ITPR2: variants seen among roughly 807,000 people sequenced by gnomAD.
ITPR2 encodes inositol 1,4,5-trisphosphate receptor type 2, also known as inositol 1,4,5-trisphosphate-gated calcium channel ITPR2.
In ITPR2, 207 loss-of-function variants were observed where a neutral mutation model predicts 317.1. The ratio of observed to expected loss-of-function variants is 0.65; its 90% confidence interval spans 0.58 to 0.73. The LOEUF is 0.73. Among genes scored for constraint, ITPR2 ranks in the 30% least tolerant of loss-of-function variants. ITPR2 has a pLI of 0.00. For synonymous variants in ITPR2, 1,156 were observed against 1,149.1 expected, an observed-to-expected ratio of 1.01 and a Z score of -0.12; for missense variants, 2,613 against 3,284.0, an observed-to-expected ratio of 0.80 and a Z score of 4.99.
chr12:26,488,038 C>A (rs2136854440), intron 39 of ITPR2, among the ~76,000 whole-genome samples: 1 of 152,088 alleles, frequency 6.6e-6, no homozygotes, highest in East Asian at 1.9e-4. Flanking sequence ...TACCCTAATT[C>A]TTGCCTGCTC....
At chr12:26,757,219 C>CT (rs534956309) in intron 2 of ITPR2, among the ~76,000 whole-genome samples, 25,974 of 143,704 alleles carry the variant, frequency 0.18, 2,789 homozygotes, top group Non-Finnish European at 0.25. Flanking sequence ...CCTTTACTTT[C>CT]TTTTTTTTTT....
chr12:26,566,248 TGAGAGGAGAGG>T (rs1252425587), intron 34 of ITPR2, among the ~76,000 whole-genome samples: 15 of 24,034 alleles, frequency 6.2e-4, no homozygotes, highest in Admixed American at 1.9e-3. Flanking sequence ...AGAGGAGAGG[TGAGAGGAGAGG>T]GAGAGGAGAA....
At chr12:26,592,033 G>A (rs1945722514) in intron 32 of ITPR2, among the ~76,000 whole-genome samples, 1 of 151,422 alleles carries the variant, frequency 6.6e-6, no homozygotes, top group African/African-American at 2.4e-5. Context: ...TAAAGAAAAT[G>A]TGGTACATAT....
intron 2 of ITPR2, among the ~76,000 whole-genome samples, chr12:26,730,029 G>A (rs1460835192): frequency 2.6e-5 from 4 of 152,030 alleles, no homozygotes; most frequent in African/African-American, 9.7e-5. Flanking sequence ...ACCAAAAAAA[G>A]AAAGAAAAAG....
At position 26,602,434 on chromosome 12, in the gene ITPR2, C is replaced by T. The variant is rs763618893; in HGVS notation, c.3614G>A (p.Arg1205Gln). 2.9e-5 allele frequency: 46 copies of T among 1,613,542 alleles called. No homozygotes were observed. The highest frequency in any genetic ancestry group is 1.3e-4 in the Admixed American group (8 of 59,986). Residue 1205 changes from arginine (R) to glutamine (Q), a missense_variant, in exon 28 of 57, where the codon CGA (arginine) becomes CAA (glutamine). Physicochemically the swap from Arg to Gln is conservative, Grantham distance 43. This residue lies in a region of ITPR2 where 817 missense variants were observed against 897.6 expected (regional missense o/e 0.91). Coordinates refer to ENST00000381340, the MANE Select transcript of ITPR2 (RefSeq NM_002223.4). ...QNKKCRNQHQRLLKNMGAHSV... is the reference protein window; with the variant it reads ...QNKKCRNQHQQLLKNMGAHSV... ...ATGCGCCCCCATATTTTTCAGTAAT[C>T]GTTGATGTTGATTCCGACACTTTTT...
intron 32 of ITPR2, among the ~76,000 whole-genome samples, chr12:26,582,281 T>C (rs1054901120): frequency 2.6e-5 from 4 of 151,848 alleles, no homozygotes; most frequent in Admixed American, 6.5e-5. Flanking sequence ...AATATTTCTT[T>C]ATTTTCTTTT....
chr12:26,535,235 G>A lies in ITPR2; in HGVS notation c.5073+15012C>T, dbSNP rs969010893. On this transcript the variant is annotated intron_variant, in intron 37 of 56. Coordinates refer to ENST00000381340, the MANE Select transcript of ITPR2 (RefSeq NM_002223.4). The stretch of plus-strand genomic sequence containing the variant: ...AAATATGCTGAATTACTTATCCCTA[G>A]AGGTAACATTAAAATAAATCAGGAA... Among the ~76,000 whole-genome samples, 14 of 152,242 alleles carry A rather than the reference G, an allele frequency of 9.2e-5. No homozygotes were observed. The East Asian group carries it at 2.7e-3, about 29-fold the overall frequency.
chr12:26,754,808 G>C (rs1057248998), intron 2 of ITPR2, among the ~76,000 whole-genome samples: 6 of 152,156 alleles, frequency 3.9e-5, no homozygotes, highest in Non-Finnish European at 7.4e-5. Flanking sequence ...TTTTCTTAGA[G>C]CAAAAACCTG....
chr12:26,362,673 AC>A (rs1217830488), intron 55 of ITPR2, among the ~76,000 whole-genome samples: 1 of 152,130 alleles, frequency 6.6e-6, no homozygotes, highest in African/African-American at 2.4e-5. Context: ...CTGCTCAAAC[AC>A]CACCATTTTC....
At chr12:26,765,603 A>G (rs1422954619) in intron 2 of ITPR2, among the ~76,000 whole-genome samples, 1 of 152,102 alleles carries the variant, frequency 6.6e-6, no homozygotes, top group East Asian at 1.9e-4. Context: ...CATTTTATCT[A>G]TGTTGGCTAC....
chr12:26,458,547 A>G (rs117896010), intron 45 of ITPR2, among the ~76,000 whole-genome samples: 2 of 152,266 alleles, frequency 1.3e-5, no homozygotes, highest in Non-Finnish European at 2.9e-5. Flanking sequence ...GTTCTCCCTT[A>G]CTTTGTGTCA....
intron 26 of ITPR2, among the ~76,000 whole-genome samples, chr12:26,607,972 T>A (rs1204711027): frequency 6.6e-6 from 1 of 151,748 alleles, no homozygotes; most frequent in African/African-American, 2.4e-5. Flanking sequence ...ACAAAAAAAA[T>A]TAGCCAGGAG....
At position 26,440,955 on chromosome 12, in the gene ITPR2, G is replaced by A. The variant is rs765100533; in HGVS notation, c.6451-1636C>T. ...CCAGAGATGGATAATTTTTCAATAC[G>A]TTTATTCAACAAATGCTTATTCAGT... On this transcript the variant is annotated intron_variant, in intron 46 of 56. Coordinates refer to ENST00000381340, the MANE Select transcript of ITPR2 (RefSeq NM_002223.4). 1.1e-4 allele frequency among the ~76,000 whole-genome samples: 16 copies of A among 152,062 alleles called. No individual in the cohort carries two copies. The South Asian group carries it at 1.2e-3, about 12-fold the overall frequency.
chr12:26,821,858 T>G (rs1950943820), intron 1 of ITPR2, among the ~76,000 whole-genome samples: 1 of 152,258 alleles, frequency 6.6e-6, no homozygotes, highest in Admixed American at 6.5e-5. Flanking sequence ...CTTGAGTTGG[T>G]GAGTACTCTA....
chr12:26,528,293 A>C (rs1943859309), intron 37 of ITPR2, among the ~76,000 whole-genome samples: 1 of 152,232 alleles, frequency 6.6e-6, no homozygotes, highest in Non-Finnish European at 1.5e-5. Context: ...TAACACTAAC[A>C]AACTGTTCGA....
At chr12:26,438,211 G>A (rs1941405133) in intron 47 of ITPR2, among the ~76,000 whole-genome samples, 1 of 152,118 alleles carries the variant, frequency 6.6e-6, no homozygotes, top group South Asian at 2.1e-4. Flanking sequence ...AAAATGCTAA[G>A]GGAGAATAAT....
intron 2 of ITPR2, among the ~76,000 whole-genome samples, chr12:26,753,128 G>A (rs188037439): frequency 5.9e-5 from 9 of 152,212 alleles, no homozygotes; most frequent in South Asian, 2.1e-4. Flanking sequence ...TCTCTCCTAA[G>A]ACAGAGTGGA....
chr12:26,812,910 A>G (rs1479983259), intron 1 of ITPR2, among the ~76,000 whole-genome samples: 4 of 152,258 alleles, frequency 2.6e-5, no homozygotes, highest in Non-Finnish European at 4.4e-5. Flanking sequence ...TAACTTTGAA[A>G]TTAAATTTGA....
chr12:26,628,271 T>A, intron 22 of ITPR2, 109 bp from the exon 23 acceptor site: 1 of 776,296 alleles, frequency 1.3e-6, no homozygotes, highest in Non-Finnish European at 2.0e-6. Flanking sequence ...TCAAAGGAAC[T>A]AGTTAGAAGC....
Sources: allele counts gnomAD v4.1 joint callset (sites outside exome capture counted in the v4.1 genomes callset), GRCh38; gene constraint gnomAD v4.1.1; regional missense constraint gnomAD v4.1.1; transcripts MANE v1.5; gene names NCBI Gene and HGNC (gene_info 2026-07-23, HGNC 2026-07-21).